The following ALOX15 variants were observed in gnomAD, a reference collection of about 807,000 sequenced individuals.
ALOX15 encodes arachidonate 15-lipoxygenase.
In ALOX15, 68 loss-of-function variants were observed where a neutral mutation model predicts 71.7. That is an observed-to-expected ratio of 0.95 (90% CI 0.78 to 1.16). The LOEUF (loss-of-function observed/expected upper bound fraction) is 1.16, where lower values mean the gene tolerates loss of function less well. Ranked by LOEUF, ALOX15 falls within the 50% of genes most tolerant of loss-of-function variation. The probability of loss-of-function intolerance (pLI) is 0.00; values close to 1 mark genes in which losing one functional copy is unlikely to be tolerated. For missense variants in ALOX15, 798 were observed against 818.8 expected (o/e 0.97, Z 0.31); for synonymous variants, 346 against 333.3 (o/e 1.04, Z -0.42).
chr17:4,641,674 C>T lies in ALOX15; in HGVS notation c.-23G>A. On this transcript the variant is annotated 5_prime_UTR_variant, in exon 1 of 14. Transcript: ENST00000293761. ...CATCTTGCTCAAAGATGTTTCGCTC[C>T]TTCTGGTGGAGAAGGGTGGACGAGC... 3 of 1,470,224 alleles carry T rather than the reference C, an allele frequency of 2.0e-6. No homozygotes were observed. Among genetic ancestry groups the T allele is most frequent in the East Asian group, 2.5e-5 (1 of 39,986 alleles). The allele number at this position is 1,470,224 out of a possible 1,614,324, so 91.1% of individuals were successfully genotyped here.
At chr17:4,641,091 CTT>C (rs11568080) in intron 1 of ALOX15, among the ~76,000 whole-genome samples, 8,624 of 150,936 alleles carry the variant, frequency 0.057, 671 homozygotes, top group African/African-American at 0.17. Context: ...GTTCTCCTGT[CTT>C]GACTCCCCAT....
intron 1 of ALOX15, among the ~76,000 whole-genome samples, 182 bp downstream of exon 1, chr17:4,641,335 T>C (rs1475709931): frequency 6.6e-6 from 1 of 152,226 alleles, no homozygotes; most frequent in East Asian, 1.9e-4. Flanking sequence ...GAGCGCTTAC[T>C]GTGTGCCACC....
chr17:4,641,627 ACACGCGGATGCGGTAGAGACC>A lies in ALOX15; in HGVS notation c.4_24del (p.Gly2_Val8del). ...CCGGCATAGAGCGAGGCCCCAGTGG[ACACGCGGATGCGGTAGAGACC>A]CATCTTGCTCAAAGATGTTTCGCTC... On this transcript the variant is annotated inframe_deletion, in exon 1 of 14. Coordinates refer to ENST00000293761, the MANE Select transcript of ALOX15 (RefSeq NM_001140.5). 1.9e-6 allele frequency: 3 copies of A among 1,613,870 alleles called. No individual in the cohort carries two copies. Among genetic ancestry groups the A allele is most frequent in the Non-Finnish European group, 2.5e-6 (3 of 1,180,034 alleles).
At position 4,641,584 on chromosome 17, in the gene ALOX15, T is replaced by TGCAC; in HGVS notation, c.64_67dup (p.Gln23ArgfsTer51). ...CCCGTGCTGGCCGACCAGCCACAGC[T>TGCAC]GCACCTGGTTGTTGGAACCGGCATA... On this transcript the variant is annotated frameshift_variant, in exon 1 of 14. Transcript: ENST00000293761. LOFTEE classifies it high-confidence loss of function. 1 of 1,613,846 alleles carries TGCAC rather than the reference T, an allele frequency of 6.2e-7. No homozygotes were observed. Among genetic ancestry groups the TGCAC allele is most frequent in the African/African-American group, 1.3e-5 (1 of 75,080 alleles).
chr17:4,636,309 G>A (rs1313303718), intron 7 of ALOX15, among the ~76,000 whole-genome samples: 1 of 151,904 alleles, frequency 6.6e-6, no homozygotes, highest in African/African-American at 2.4e-5. Flanking sequence ...TCATCTTTTG[G>A]CCCCACCTCT....
rs1273689553 is a variant in ALOX15, at chr17:4,637,236, T to C, written c.830A>G (p.Asp277Gly). The C allele has an allele frequency of 3.7e-6, 6 of 1,613,406 alleles. No individual in the cohort carries two copies. Among genetic ancestry groups the C allele is most frequent in the Non-Finnish European group, 5.1e-6 (6 of 1,179,620 alleles). The change falls in exon 7 of 14, where the codon GAC (aspartate) becomes GGC (glycine). Residue 277 changes from aspartate (D) to glycine (G), a missense_variant. Physicochemically the swap from Asp to Gly is moderately conservative, Grantham distance 94 (BLOSUM62 -1). Transcript: ENST00000293761. ...CTTGATCCCATCCAGCAGGGAGAAG[T>C]CAGCTTCGAACAGTGTGCCTCCCTG... ...ELEGGTLFEADFSLLDGIKAN... is the reference protein window; with the variant it reads ...ELEGGTLFEAGFSLLDGIKAN...
rs772679977 is a variant in ALOX15, at chr17:4,638,638, A to G, written c.589T>C (p.Trp197Arg). The change falls in exon 5 of 14, where the codon TGG becomes CGG. Residue 197 changes from tryptophan to arginine, a missense_variant. By Grantham distance (101) the Trp-to-Arg change is moderately radical (BLOSUM62 -3). This residue lies in a region of ALOX15 where 300 missense variants were observed against 283.1 expected (regional missense o/e 1.06). Coordinates refer to ENST00000293761, the MANE Select transcript of ALOX15 (RefSeq NM_001140.5). ...CGGTTGAAGTCATCTAGATCCTTCCAGCAAGTCAGAACATTTAGAGAGTCT... is the reference window on the plus strand; with the variant it reads ...CGGTTGAAGTCATCTAGATCCTTCCGGCAAGTCAGAACATTTAGAGAGTCT... ...IKDSLNVLTC[W>R]KDLDDFNRIF... 8.7e-6 allele frequency: 14 copies of G among 1,614,090 alleles called. No individual in the cohort carries two copies. The Admixed American group carries it at 2.2e-4, about 25-fold the overall frequency.
At chr17:4,641,472 G>A (rs1225899001) in intron 1 of ALOX15, 45 bp downstream of exon 1, 4 of 1,595,744 alleles carry the variant, frequency 2.5e-6, no homozygotes, top group Non-Finnish European at 3.4e-6. Context: ...TGACTGACTC[G>A]GAGCCAGGGG....
chr17:4,637,063 T>G, intron 7 of ALOX15, 52 bp downstream of exon 7: 1 of 1,573,030 alleles, frequency 6.4e-7, no homozygotes, highest in South Asian at 1.2e-5. Flanking sequence ...GATAAGGGGC[T>G]GAGCTTTCTC....
At position 4,637,249 on chromosome 17, in the gene ALOX15, G is replaced by A. The variant is rs778632356; in HGVS notation, c.817C>T (p.Leu273=). The A allele has an allele frequency of 6.8e-6, 11 of 1,611,884 alleles. No homozygotes were observed. Among genetic ancestry groups the A allele is most frequent in the Non-Finnish European group, 9.3e-6 (11 of 1,178,498 alleles). Residue 273 remains leucine, a synonymous_variant, in exon 7 of 14, where the codon CTG becomes TTG. Coordinates refer to ENST00000293761, the MANE Select transcript of ALOX15 (RefSeq NM_001140.5). ...AGCAGGGAGAAGTCAGCTTCGAACA[G>A]TGTGCCTCCCTGGGTGGGGGAAGAG... ...QLEKELEGGT[L]FEADFSLLDG... is the part of the protein sequence containing the mutation.
At position 4,641,672 on chromosome 17, in the gene ALOX15, T is replaced by G; in HGVS notation, c.-21A>C. On this transcript the variant is annotated 5_prime_UTR_variant, in exon 1 of 14. Transcript: ENST00000293761. The stretch of plus-strand genomic sequence containing the variant: ...CCCATCTTGCTCAAAGATGTTTCGC[T>G]CCTTCTGGTGGAGAAGGGTGGACGA... 6.7e-7 allele frequency: 1 copy of G among 1,481,548 alleles called. No individual in the cohort carries two copies. The highest frequency in any genetic ancestry group is 8.9e-7 in the Non-Finnish European group (1 of 1,121,158). 91.8% of individuals were successfully genotyped at this position (1,481,548 alleles called of 1,614,324 possible).
At chr17:4,636,886 C>G (rs1911118262) in intron 7 of ALOX15, among the ~76,000 whole-genome samples, 1 of 152,178 alleles carries the variant, frequency 6.6e-6, no homozygotes, top group Non-Finnish European at 1.5e-5. Context: ...CCTGGGCTGT[C>G]TCTGTCCTCA....
At chr17:4,638,118 G>A in intron 6 of ALOX15, 99 bp downstream of exon 6, 1 of 590,668 alleles carries the variant, frequency 1.7e-6, no homozygotes, top group East Asian at 2.8e-5. Context: ...CTTGCTGGCT[G>A]GCAGCAAGCC....
chr17:4,638,615 G>A lies in ALOX15; in HGVS notation c.612C>T (p.Asn204=), dbSNP rs149864505. 3 of 1,614,032 alleles carry A rather than the reference G, an allele frequency of 1.9e-6. No homozygotes were observed. Among genetic ancestry groups the A allele is most frequent in the African/African-American group, 2.7e-5 (2 of 74,906 alleles). ...LTCWKDLDDF[N]RIFWCGQSKL... ...TGCTCTGACCACACCAGAAAATCCGGTTGAAGTCATCTAGATCCTTCCAGC... is the reference window on the plus strand; with the variant it reads ...TGCTCTGACCACACCAGAAAATCCGATTGAAGTCATCTAGATCCTTCCAGC... The change falls in exon 5 of 14, where the codon AAC becomes AAT. Residue 204 remains asparagine (N), a synonymous_variant. Transcript: ENST00000293761.
chr17:4,631,541 G>C lies in ALOX15; in HGVS notation c.*59C>G. On this transcript the variant is annotated 3_prime_UTR_variant, in exon 14 of 14. Coordinates refer to ENST00000293761, the MANE Select transcript of ALOX15 (RefSeq NM_001140.5). ...CTTGGGAGGGCAGGGCTATAACCAC[G>C]AAGGGGTCAGCTTGTGGCTTGGGTG... 6.3e-7 allele frequency: 1 copy of C among 1,594,068 alleles called. No homozygotes were observed. Among genetic ancestry groups the C allele is most frequent in the Non-Finnish European group, 8.5e-7 (1 of 1,171,376 alleles).
In ALOX15 at chr17:4,637,243, C is replaced by T. The variant is rs370447055; in HGVS notation, c.823G>A (p.Glu275Lys). ...CCATCCAGCAGGGAGAAGTCAGCTT[C>T]GAACAGTGTGCCTCCCTGGGTGGGG... Reference protein sequence around the residue: ...EKELEGGTLFEADFSLLDGIK... With the variant: ...EKELEGGTLFKADFSLLDGIK... The change falls in exon 7 of 14, where the codon GAA becomes AAA. Residue 275 changes from glutamate to lysine, a missense_variant. Physicochemically the swap from Glu to Lys is moderately conservative, Grantham distance 56. Coordinates refer to ENST00000293761, the MANE Select transcript of ALOX15 (RefSeq NM_001140.5). 1.1e-5 allele frequency: 17 copies of T among 1,612,912 alleles called. No homozygotes were observed. The Admixed American group carries it at 1.7e-4, about 16-fold the overall frequency.
At position 4,638,655 on chromosome 17, in the gene ALOX15, A is replaced by T. The variant is rs762029198; in HGVS notation, c.572T>A (p.Leu191Gln). The stretch of plus-strand genomic sequence containing the variant: ...ATCCTTCCAGCAAGTCAGAACATTT[A>T]GAGAGTCTTTGATAGCGAGGTCGGC... ...GLADLAIKDS[L>Q]NVLTCWKDLD... Residue 191 changes from leucine to glutamine, a missense_variant, in exon 5 of 14, where the codon CTA (leucine) becomes CAA (glutamine). Leu to Gln is a moderately radical substitution (Grantham distance 113). Around this residue, in one of 3 missense-constraint regions of ALOX15, gnomAD observed 300 missense variants for 283.1 expected, o/e 1.06. Coordinates refer to ENST00000293761, the MANE Select transcript of ALOX15 (RefSeq NM_001140.5). 5 of 1,614,214 alleles carry T rather than the reference A, an allele frequency of 3.1e-6. No homozygotes were observed. Among genetic ancestry groups the T allele is most frequent in the Non-Finnish European group, 4.2e-6 (5 of 1,180,042 alleles).
chr17:4,638,349 A>G lies in ALOX15; in HGVS notation c.675T>C (p.Asp225=). ...TAAGAAACTGGTACCCAAATAAGGC[A>G]TCTTCCTTCCAGGAGTCCCGCACGC... The part of the protein sequence containing the change: ...AERVRDSWKE[D]ALFGYQFLNG... Residue 225 remains aspartate (D), a synonymous_variant, in exon 6 of 14, where the codon GAT becomes GAC. Coordinates refer to ENST00000293761, the MANE Select transcript of ALOX15 (RefSeq NM_001140.5). 1.1e-6 allele frequency: 1 copy of G among 925,816 alleles called. No individual in the cohort carries two copies. The highest frequency in any genetic ancestry group is 1.7e-6 in the Non-Finnish European group (1 of 598,794). The allele number at this position is 925,816 out of a possible 1,614,324, so 57.4% of individuals were successfully genotyped here.
rs1205463844 is a variant in ALOX15, at chr17:4,636,654, C to A, written c.951+461G>T. The stretch of plus-strand genomic sequence containing the variant: ...CACCACTGCCCACACCGCGTGCCCA[C>A]AGCACGTTTCATCACGGCCTTCTCC... On this transcript the variant is annotated intron_variant, in intron 7 of 13. Transcript: ENST00000293761. Among the ~76,000 whole-genome samples, 3 of 152,162 alleles carry A rather than the reference C, an allele frequency of 2.0e-5. No homozygotes were observed. In the East Asian group the frequency reaches 5.8e-4, roughly 29 times the overall value.
Sources: allele counts gnomAD v4.1 joint callset (sites outside exome capture counted in the v4.1 genomes callset), GRCh38; gene constraint gnomAD v4.1.1; regional missense constraint gnomAD v4.1.1; transcripts MANE v1.5; gene names NCBI Gene and HGNC (gene_info 2026-07-23, HGNC 2026-07-21).